Variants in NECAB3 observed in about 807,000 individuals in gnomAD.
NECAB3 encodes the protein N-terminal EF-hand calcium-binding protein 3.
A neutral mutation model predicts 57.2 loss-of-function variants in NECAB3; 38 were observed. The observed-to-expected ratio is 0.66, with a 90% CI of 0.51 to 0.87. The LOEUF (loss-of-function observed/expected upper bound fraction) is 0.87. Ranked by LOEUF, NECAB3 falls within the 40% of genes least tolerant of loss-of-function variation. The pLI, the probability that NECAB3 is intolerant of heterozygous loss-of-function variation, is 0.00. For synonymous variants in NECAB3, 223 were observed against 222.6 expected (o/e 1.00, Z -0.02); for missense variants, 474 against 527.5 (o/e 0.90, Z 0.99).
chr20:33,668,051 C>A (rs765671968), intron 5 of NECAB3: 1 of 1,558,494 alleles, frequency 6.4e-7, no homozygotes, highest in South Asian at 1.2e-5. Flanking sequence ...GAGCTGGAGG[C>A]GCAGTGCCGG....
chr20:33,663,699 G>C (rs758306790), intron 5 of NECAB3: 12 of 1,567,438 alleles, frequency 7.7e-6, no homozygotes, highest in Non-Finnish European at 1.0e-5. Flanking sequence ...TACTGCTGCT[G>C]CTGCGGCGGC....
Position 33,658,073 on chromosome 20 carries a change from T to C in NECAB3, c.1071-40A>G, listed in dbSNP as rs1184039005. 3 of 1,512,550 alleles carry C rather than the reference T, an allele frequency of 2.0e-6. No individual in the cohort carries two copies. The Admixed American group carries it at 5.9e-5, about 30-fold the overall frequency. The allele number at this position is 1,512,550 out of a possible 1,614,324, so 93.7% of individuals were successfully genotyped here. On this transcript the variant is annotated intron_variant, in intron 10 of 11. Transcript: ENST00000246190. ...GCTACAGTGACCTCGCTCTCCCCAC[T>C]CCCGCCCCATCCTGCTGCCAGGATC...
chr20:33,663,550 C>T (rs746108951), intron 5 of NECAB3: 1 of 1,610,856 alleles, frequency 6.2e-7, no homozygotes, highest in African/African-American at 1.3e-5. Flanking sequence ...CGTGCTGATT[C>T]TCCCCCTGGA....
chr20:33,673,739 G>T (rs1157122899), intron 1 of NECAB3, among the ~76,000 whole-genome samples: 1 of 152,116 alleles, frequency 6.6e-6, no homozygotes, highest in Non-Finnish European at 1.5e-5. Flanking sequence ...CGTGGCTGGT[G>T]CCCATGGTGG....
At chr20:33,672,519 C>T in intron 1 of NECAB3, 97 bp from the exon 2 acceptor site, 1 of 1,444,076 alleles carries the variant, frequency 6.9e-7, no homozygotes, top group Non-Finnish European at 9.7e-7. Flanking sequence ...CCGACCTACC[C>T]CCTGCCTCGC....
chr20:33,673,927 A>G (rs1487771087), intron 1 of NECAB3, among the ~76,000 whole-genome samples: 1 of 151,966 alleles, frequency 6.6e-6, no homozygotes, highest in East Asian at 1.9e-4. Flanking sequence ...TGGAGCTGCC[A>G]CAGAGTGGGG....
intron 9 of NECAB3, 42 bp downstream of exon 9, chr20:33,658,680 C>T: frequency 6.2e-7 from 1 of 1,603,092 alleles, no homozygotes; most frequent in Non-Finnish European, 8.5e-7. Flanking sequence ...CTCTGCTCAC[C>T]CCCTCCCCAC....
At chr20:33,665,765 A>G (rs1334441186) in intron 5 of NECAB3, 2 of 152,366 alleles carry the variant, frequency 1.3e-5, no homozygotes, top group East Asian at 3.9e-4. Context: ...AGACTTGCTT[A>G]GGACTGCACA....
intron 5 of NECAB3, chr20:33,667,458 G>T (rs1000357529): frequency 3.5e-6 from 5 of 1,425,922 alleles, no homozygotes; most frequent in Non-Finnish European, 4.6e-6. Flanking sequence ...AAAGGGTGGC[G>T]GAGCTGCTGT....
At chr20:33,667,435 C>T (rs1294559277) in intron 5 of NECAB3, 2 of 1,412,920 alleles carry the variant, frequency 1.4e-6, no homozygotes, top group African/African-American at 1.5e-5. Context: ...GTTGGCGCCG[C>T]CCGCGGGCCG....
chr20:33,669,207 A>G (rs2017771029), intron 5 of NECAB3, 168 bp downstream of exon 5: 3 of 621,170 alleles, frequency 4.8e-6, no homozygotes, highest in Non-Finnish European at 8.5e-6. Context: ...TTTACAGATG[A>G]GGAAACAGGC....
Position 33,674,341 on chromosome 20 carries a change from C to T in NECAB3, c.12G>A (p.Ala4=), listed in dbSNP as rs1327901295. The T allele has an allele frequency of 8.3e-7, 1 of 1,201,906 alleles. No homozygotes were observed. The highest frequency in any genetic ancestry group is 1.0e-6 in the Non-Finnish European group (1 of 968,562). The allele number at this position is 1,201,906 out of a possible 1,614,324, so 74.5% of individuals were successfully genotyped here. A position where few individuals can be genotyped will look rare whatever the true frequency, so the allele number is the denominator to read the frequency against. MAC[A]GLLTVCLLRP... ...GGAGCAGGCACACGGTGAGCAGCCCCGCGCACGCCATGGCGCCGCCACCCG... is the reference window on the plus strand; with the variant it reads ...GGAGCAGGCACACGGTGAGCAGCCCTGCGCACGCCATGGCGCCGCCACCCG... The change falls in exon 1 of 12, where the codon GCG becomes GCA. Residue 4 remains alanine, a synonymous_variant. Transcript: ENST00000246190.
At chr20:33,667,374 C>T (rs2017690424) in intron 5 of NECAB3, 4 of 1,233,670 alleles carry the variant, frequency 3.2e-6, no homozygotes, top group Non-Finnish European at 4.1e-6. Context: ...TGCTGGTGGG[C>T]GGCCTGCGGG....
intron 5 of NECAB3, among the ~76,000 whole-genome samples, chr20:33,663,195 ACCAGGC>A (rs2017535880): frequency 6.6e-6 from 1 of 152,128 alleles, no homozygotes; most frequent in African/African-American, 2.4e-5. Flanking sequence ...GAAGCCCTGG[ACCAGGC>A]GGGGGTGGGA....
intron 1 of NECAB3, among the ~76,000 whole-genome samples, chr20:33,673,758 C>A: frequency 6.6e-6 from 1 of 152,128 alleles, no homozygotes; most frequent in East Asian, 1.9e-4. Context: ...GGCCGCAGGG[C>A]CACCCATGGC....
intron 5 of NECAB3, chr20:33,663,690 A>G (rs1435728951): frequency 1.3e-6 from 2 of 1,580,006 alleles, no homozygotes; most frequent in East Asian, 2.3e-5. Context: ...GGATGCCGGT[A>G]CTGCTGCTGC....
In NECAB3 at chr20:33,658,574, G is replaced by C; in HGVS notation, c.993-20C>G. ...GACACACTGTAGGGCCAAAGAGATG[G>C]GCAGGCCAGGCCAGGGCTGCCACCA... On this transcript the variant is annotated intron_variant, in intron 9 of 11. Coordinates refer to ENST00000246190, the MANE Select transcript of NECAB3 (RefSeq NM_031232.4). The C allele has an allele frequency of 6.2e-7, 1 of 1,613,676 alleles. No homozygotes were observed. The highest frequency in any genetic ancestry group is 8.5e-7 in the Non-Finnish European group (1 of 1,179,782).
chr20:33,671,080 A>G (rs1016690505), intron 2 of NECAB3, among the ~76,000 whole-genome samples: 1 of 152,208 alleles, frequency 6.6e-6, no homozygotes, highest in Non-Finnish European at 1.5e-5. Context: ...CCAAGTGAAA[A>G]AACAAGCAAC....
Position 33,660,466 on chromosome 20 carries a change from C to A in NECAB3, c.388-71G>T. On this transcript the variant is annotated intron_variant, in intron 5 of 11. Transcript: ENST00000246190. The surrounding 1 kb of genome is among the most constrained non-coding windows in gnomAD (Gnocchi z 4.1). ...GATCTCTTGAGTGGGTCCCCTGCCT[C>A]TTGCCCATCAGAGCAGCGGTGGCAG... 2 of 1,578,318 alleles carry A rather than the reference C, an allele frequency of 1.3e-6. No individual in the cohort carries two copies. Among genetic ancestry groups the A allele is most frequent in the East Asian group, 4.5e-5 (2 of 44,270 alleles).
Sources: allele counts gnomAD v4.1 joint callset (sites outside exome capture counted in the v4.1 genomes callset), GRCh38; gene constraint gnomAD v4.1.1; non-coding constraint Gnocchi (gnomAD v3.1); transcripts MANE v1.5; gene names NCBI Gene and HGNC (gene_info 2026-07-23, HGNC 2026-07-21).